The following RBFOX1 variants were observed in gnomAD, a reference collection of about 807,000 sequenced individuals.
RBFOX1 encodes RNA binding protein fox-1 homolog 1.
A neutral mutation model predicts 57.7 loss-of-function variants in RBFOX1; 8 were observed. The ratio of observed to expected loss-of-function variants is 0.14; its 90% CI spans 0.08 to 0.25. The LOEUF (loss-of-function observed/expected upper bound fraction) is 0.25, where lower values mean the gene tolerates loss of function less well. Among genes scored for constraint, RBFOX1 ranks in the 10% least tolerant of loss-of-function variants. The pLI, the probability that RBFOX1 is intolerant of heterozygous loss-of-function variation, is 1.00. For missense variants in RBFOX1, 611 were observed against 548.5 expected (o/e 1.11, Z -1.14); for synonymous variants, 326 against 222.4 (o/e 1.47, Z -4.15).
intron 1 of RBFOX1, among the ~76,000 whole-genome samples, chr16:5,318,211 C>T (rs1420723602): frequency 6.6e-6 from 1 of 152,146 alleles, no homozygotes; most frequent in Admixed American, 6.5e-5. Flanking sequence ...TCACTGCAAC[C>T]TCCACCTCCC....
chr16:7,392,556 A>T (rs897212594), intron 4 of RBFOX1, among the ~76,000 whole-genome samples: 1 of 152,136 alleles, frequency 6.6e-6, no homozygotes, highest in Non-Finnish European at 1.5e-5. Context: ...AGGCATGTTC[A>T]TATTTATTTA....
intron 3 of RBFOX1, among the ~76,000 whole-genome samples, chr16:6,685,573 C>T (rs916969364): frequency 4.6e-5 from 7 of 152,006 alleles, no homozygotes; most frequent in African/African-American, 1.4e-4. Context: ...CAGGCATGAG[C>T]CACTGTGTCT....
At chr16:6,730,241 G>A (rs768598223) in intron 3 of RBFOX1, among the ~76,000 whole-genome samples, 17 of 152,212 alleles carry the variant, frequency 1.1e-4, no homozygotes, top group Non-Finnish European at 2.5e-4. Flanking sequence ...GTTCATATAG[G>A]GAGATGGTAG....
At chr16:7,502,975 G>A (rs1336520214) in intron 4 of RBFOX1, among the ~76,000 whole-genome samples, 3 of 151,990 alleles carry the variant, frequency 2.0e-5, no homozygotes, top group East Asian at 1.9e-4. Context: ...GTGAGCTGAG[G>A]TCACACCACT....
intron 3 of RBFOX1, among the ~76,000 whole-genome samples, chr16:6,776,416 A>G (rs1016714792): frequency 1.9e-5 from 2 of 105,780 alleles, no homozygotes; most frequent in Admixed American, 2.2e-4. Flanking sequence ...ACCTCGGAAA[A>G]AAACAAAAAA....
chr16:6,866,839 G>A (rs562811587), intron 3 of RBFOX1, among the ~76,000 whole-genome samples: 8 of 152,074 alleles, frequency 5.3e-5, no homozygotes, highest in African/African-American at 1.7e-4. Context: ...ACCGCGCCCA[G>A]CTAAAGGTTA....
chr16:6,383,556 C>T lies in RBFOX1; in HGVS notation c.-64+66499C>T, dbSNP rs563919112. Among the ~76,000 whole-genome samples the T allele has an allele frequency of 3.3e-5, 5 of 152,250 alleles. No homozygotes were observed. The East Asian group carries it at 9.7e-4, about 29-fold the overall frequency. ...TTGGGAGGCTGAGGTGGGCGGATCA[C>T]AAGGTCAGGAGTTCGAGACTGGCCT... On this transcript the variant is annotated intron_variant, in intron 2 of 15. Coordinates refer to ENST00000550418, the MANE Select transcript of RBFOX1 (RefSeq NM_018723.4).
intron 1 of RBFOX1, among the ~76,000 whole-genome samples, chr16:5,255,131 A>G (rs1321750208): frequency 2.0e-5 from 3 of 152,182 alleles, no homozygotes; most frequent in African/African-American, 7.2e-5. Context: ...TTCCTAGTCA[A>G]TAAAGTGTTC....
intron 3 of RBFOX1, among the ~76,000 whole-genome samples, chr16:6,719,580 A>G (rs1243836905): frequency 1.3e-5 from 2 of 151,436 alleles, no homozygotes; most frequent in African/African-American, 2.4e-5. Context: ...AGCTGGGACT[A>G]CAGGTGCCCA....
chr16:7,640,296 G>A (rs2062557922), intron 11 of RBFOX1, among the ~76,000 whole-genome samples: 1 of 152,208 alleles, frequency 6.6e-6, no homozygotes, highest in South Asian at 2.1e-4. Flanking sequence ...GGAAAGTTCT[G>A]CAAAGAGGCA....
intron 4 of RBFOX1, among the ~76,000 whole-genome samples, chr16:7,198,397 C>G (rs1038730637): frequency 6.6e-6 from 1 of 152,270 alleles, no homozygotes; most frequent in Admixed American, 6.5e-5. Context: ...GTACTAAATG[C>G]TACTCATTTG....
intron 4 of RBFOX1, among the ~76,000 whole-genome samples, chr16:7,076,080 T>G (rs1002870032): frequency 2.0e-5 from 3 of 151,410 alleles, no homozygotes; most frequent in Non-Finnish European, 2.9e-5. Flanking sequence ...TCTTGTTCTA[T>G]TGCCAGGCTG....
intron 1 of RBFOX1, among the ~76,000 whole-genome samples, chr16:5,379,931 G>T (rs982514531): frequency 6.6e-6 from 1 of 152,188 alleles, no homozygotes; most frequent in Non-Finnish European, 1.5e-5. Flanking sequence ...CTGGAGAGAA[G>T]CGCTTGGGGC....
intron 4 of RBFOX1, among the ~76,000 whole-genome samples, chr16:5,934,193 A>T (rs1033525225): frequency 6.6e-6 from 1 of 152,184 alleles, no homozygotes; most frequent in East Asian, 1.9e-4. Flanking sequence ...TTGGCCTTCC[A>T]TTTTTCAAAT....
chr16:7,114,066 G>A (rs1396041304), intron 4 of RBFOX1, among the ~76,000 whole-genome samples: 5 of 152,068 alleles, frequency 3.3e-5, no homozygotes, highest in East Asian at 1.9e-4. Context: ...CCTCATATTT[G>A]GCAAAATTTT....
intron 4 of RBFOX1, among the ~76,000 whole-genome samples, chr16:7,273,151 C>G (rs1194452639): frequency 8.5e-6 from 1 of 118,250 alleles, no homozygotes; most frequent in African/African-American, 3.5e-5. Context: ...TTCCTTCTTT[C>G]TCCTTCCTTC....
chr16:6,856,225 A>G (rs2057874093), intron 3 of RBFOX1, among the ~76,000 whole-genome samples: 1 of 152,084 alleles, frequency 6.6e-6, no homozygotes. Flanking sequence ...CACGAGAAAC[A>G]TCTGAATCAT....
At chr16:6,916,645 A>G (rs965132252) in intron 3 of RBFOX1, among the ~76,000 whole-genome samples, 3 of 151,960 alleles carry the variant, frequency 2.0e-5, no homozygotes. Flanking sequence ...GTTTTTCTGG[A>G]TGGTCATCAC....
At chr16:6,496,343 T>C (rs939670695) in intron 2 of RBFOX1, among the ~76,000 whole-genome samples, 1 of 152,240 alleles carries the variant, frequency 6.6e-6, no homozygotes, top group Non-Finnish European at 1.5e-5. Flanking sequence ...TTCAACTTTT[T>C]CCTTTTCATT....
Sources: gnomAD v4.1 joint callset for allele counts (sites outside exome capture counted in the v4.1 genomes callset) on GRCh38, gnomAD v4.1.1 for gene constraint, MANE v1.5 for transcripts, NCBI Gene and HGNC (gene_info 2026-07-23, HGNC 2026-07-21) for gene names.